The following FSHR variants were observed in gnomAD, a reference collection of about 807,000 sequenced individuals.
The protein encoded by FSHR is follicle-stimulating hormone receptor.
FSHR carries 46 observed loss-of-function variants against 52.1 expected under a neutral mutation model. The ratio of observed to expected loss-of-function variants is 0.88; its 90% CI spans 0.70 to 1.13. The LOEUF (loss-of-function observed/expected upper bound fraction) is 1.13, where lower values mean the gene tolerates loss of function less well. Ranked by LOEUF, FSHR falls within the 50% of genes most tolerant of loss-of-function variation. FSHR has a pLI of 0.00. For synonymous variants in FSHR, 399 were observed against 309.6 expected, an observed-to-expected ratio of 1.29 and a Z score of -3.03; for missense variants, 964 against 834.6, an observed-to-expected ratio of 1.16 and a Z score of -1.91.
rs5831025 is a variant in FSHR at position 49,124,159 on chromosome 2, A to AT, written c.152+30106dup. On this transcript the variant is annotated intron_variant, in intron 1 of 9. Transcript: ENST00000406846. ...AGGCACCCACCACCACGTCCGGCTAATTTTTTTTTTTTTTTTAAGTAGAGA... is the reference window on the plus strand; with the variant it reads ...AGGCACCCACCACCACGTCCGGCTAATTTTTTTTTTTTTTTTTAAGTAGAGA... Among the ~76,000 whole-genome samples the AT allele has an allele frequency of 5.7e-3, 801 of 140,954 alleles. 2 individuals are homozygous for AT. Among genetic ancestry groups the AT allele is most frequent in the Non-Finnish European group, 8.9e-3 (578 of 65,034 alleles). 92.5% of individuals were successfully genotyped at this position (140,954 alleles called of 152,430 possible).
chr2:49,106,982 G>C (rs1671245793), intron 1 of FSHR, among the ~76,000 whole-genome samples: 1 of 152,092 alleles, frequency 6.6e-6, no homozygotes, highest in African/African-American at 2.4e-5. Context: ...AAATAAGTTG[G>C]AAAGCATTAT....
chr2:49,134,950 G>A (rs968514487), intron 1 of FSHR, among the ~76,000 whole-genome samples: 12 of 152,164 alleles, frequency 7.9e-5, no homozygotes, highest in Non-Finnish European at 1.6e-4. Context: ...AGCATTGGGA[G>A]ATATACCTAA....
intron 2 of FSHR, among the ~76,000 whole-genome samples, chr2:49,031,234 A>G (rs1408080092): frequency 6.6e-6 from 1 of 152,192 alleles, no homozygotes; most frequent in Non-Finnish European, 1.5e-5. Context: ...TCCTCATGTT[A>G]GCAGCTTCTG....
intron 2 of FSHR, among the ~76,000 whole-genome samples, chr2:49,030,590 C>T (rs1668068805): frequency 6.6e-6 from 1 of 152,130 alleles, no homozygotes; most frequent in Non-Finnish European, 1.5e-5. Flanking sequence ...AAGGAGCTCA[C>T]ATTTGGCTGC....
At chr2:49,008,476 G>T (rs1052562511) in intron 4 of FSHR, among the ~76,000 whole-genome samples, 1 of 151,858 alleles carries the variant, frequency 6.6e-6, no homozygotes, top group Non-Finnish European at 1.5e-5. Flanking sequence ...GAATAATGCC[G>T]CAATAAACAT....
At chr2:49,132,197 T>C (rs534028976) in intron 1 of FSHR, among the ~76,000 whole-genome samples, 1 of 152,288 alleles carries the variant, frequency 6.6e-6, no homozygotes, top group South Asian at 2.1e-4. Flanking sequence ...AGGGTCTCAG[T>C]GATTTGCTGT....
intron 2 of FSHR, among the ~76,000 whole-genome samples, chr2:49,034,304 A>T (rs1392578513): frequency 6.6e-6 from 1 of 152,174 alleles, no homozygotes; most frequent in Non-Finnish European, 1.5e-5. Flanking sequence ...GGATTTTCAG[A>T]GTATTGCCTG....
intron 2 of FSHR, among the ~76,000 whole-genome samples, chr2:49,049,701 A>G (rs1031674263): frequency 3.3e-5 from 5 of 151,986 alleles, no homozygotes; most frequent in African/African-American, 1.2e-4. Flanking sequence ...CTCTAACCTC[A>G]TGGATAAAGC....
At chr2:49,123,350 G>A (rs887425121) in intron 1 of FSHR, among the ~76,000 whole-genome samples, 1 of 152,052 alleles carries the variant, frequency 6.6e-6, no homozygotes, top group African/African-American at 2.4e-5. Context: ...AGCCAGGCAC[G>A]GTGGCTCACG....
intron 1 of FSHR, among the ~76,000 whole-genome samples, chr2:49,132,157 A>T (rs1218213231): frequency 6.6e-6 from 1 of 152,144 alleles, no homozygotes; most frequent in East Asian, 1.9e-4. Flanking sequence ...GCCTGTAGTT[A>T]CATGTTCTGG....
At chr2:48,987,446 G>A (rs1054191491) in intron 6 of FSHR, among the ~76,000 whole-genome samples, 15 of 151,732 alleles carry the variant, frequency 9.9e-5, no homozygotes, top group African/African-American at 3.4e-4. Flanking sequence ...TCCTGACCTC[G>A]TGATCTGCCT....
intron 1 of FSHR, among the ~76,000 whole-genome samples, chr2:49,139,460 TC>T (rs1672599621): frequency 6.6e-6 from 1 of 152,160 alleles, no homozygotes; most frequent in Non-Finnish European, 1.5e-5. Flanking sequence ...CGCAGCATTT[TC>T]CAAACCAAGC....
chr2:49,150,065 G>T (rs1673008055), intron 1 of FSHR, among the ~76,000 whole-genome samples: 2 of 152,022 alleles, frequency 1.3e-5, no homozygotes, highest in South Asian at 4.1e-4. Flanking sequence ...TTCTCCTTAG[G>T]AATTCTAACT....
chr2:48,986,839 G>A (rs778062861), intron 6 of FSHR, among the ~76,000 whole-genome samples: 3 of 151,986 alleles, frequency 2.0e-5, no homozygotes, highest in Non-Finnish European at 2.9e-5. Context: ...TCTGTCTTAC[G>A]GTCTGGACAA....
chr2:49,099,113 C>T (rs1266830043), intron 1 of FSHR, among the ~76,000 whole-genome samples: 1 of 151,648 alleles, frequency 6.6e-6, no homozygotes, highest in African/African-American at 2.4e-5. Context: ...TTGTATTTTT[C>T]CCCCAAAATA....
intron 8 of FSHR, among the ~76,000 whole-genome samples, chr2:48,981,963 T>C (rs1675268322): frequency 6.6e-6 from 1 of 152,232 alleles, no homozygotes; most frequent in Non-Finnish European, 1.5e-5. Context: ...TTAACATGTT[T>C]ATCTATTGCT....
intron 1 of FSHR, among the ~76,000 whole-genome samples, chr2:49,115,185 G>A (rs1406276535): frequency 1.3e-5 from 2 of 150,782 alleles, no homozygotes; most frequent in Non-Finnish European, 3.0e-5. Context: ...ATCCAACCAG[G>A]CCACCTGGAG....
At chr2:49,091,584 A>T (rs1670612846) in intron 1 of FSHR, among the ~76,000 whole-genome samples, 1 of 152,238 alleles carries the variant, frequency 6.6e-6, no homozygotes, top group Non-Finnish European at 1.5e-5. Flanking sequence ...GGCATGAGCC[A>T]TCATGCCCAG....
chr2:49,042,674 T>C (rs913623173), intron 2 of FSHR, among the ~76,000 whole-genome samples: 5 of 152,242 alleles, frequency 3.3e-5, no homozygotes, highest in Admixed American at 3.3e-4. Context: ...ATTTCCTTTT[T>C]TCATGACTTC....
Sources: allele counts gnomAD v4.1 joint callset (sites outside exome capture counted in the v4.1 genomes callset), GRCh38; gene constraint gnomAD v4.1.1; transcripts MANE v1.5; gene names NCBI Gene and HGNC (gene_info 2026-07-23, HGNC 2026-07-21).